Variants in DYM observed in about 807,000 individuals in gnomAD.
DYM encodes dymeclin, also known as dyggve-Melchior-Clausen syndrome protein.
DYM carries 78 observed loss-of-function variants against 93.1 expected under a neutral mutation model. The ratio of observed to expected loss-of-function variants is 0.84; its 90% CI spans 0.70 to 1.01. DYM has a LOEUF of 1.01. Among genes scored for constraint, DYM ranks in the 50% least tolerant of loss-of-function variants. The probability of loss-of-function intolerance (pLI) is 0.00; values close to 1 mark genes in which losing one functional copy is unlikely to be tolerated. For missense variants in DYM, 789 were observed against 845.0 expected, an observed-to-expected ratio of 0.93 and a Z score of 0.82; for synonymous variants, 321 against 319.7, an observed-to-expected ratio of 1.00 and a Z score of -0.04.
At chr18:49,334,033 G>A (rs2063497578) in intron 6 of DYM, among the ~76,000 whole-genome samples, 180 bp from the exon 7 acceptor site, 1 of 152,130 alleles carries the variant, frequency 6.6e-6, no homozygotes, top group Non-Finnish European at 1.5e-5. Context: ...CTCCTTCCCT[G>A]TCATTAGCTG....
intron 15 of DYM, among the ~76,000 whole-genome samples, chr18:49,161,209 T>C (rs1452652170): frequency 1.3e-5 from 2 of 152,170 alleles, no homozygotes; most frequent in Non-Finnish European, 2.9e-5. Context: ...GAAGAAAATA[T>C]TCAATCAGTG....
chr18:49,163,545 C>A, intron 15 of DYM, 140 bp downstream of exon 15: 1 of 601,884 alleles, frequency 1.7e-6, no homozygotes, highest in Non-Finnish European at 3.1e-6. Context: ...GGGGTTTCAC[C>A]ATGTTGGCCA....
intron 1 of DYM, among the ~76,000 whole-genome samples, chr18:49,431,438 G>C (rs1230496670): frequency 2.0e-5 from 3 of 152,114 alleles, no homozygotes; most frequent in Non-Finnish European, 2.9e-5. Context: ...TAGTATCCAC[G>C]AGGCTCTTCA....
At chr18:49,220,059 C>G (rs1294348511) in intron 13 of DYM, among the ~76,000 whole-genome samples, 1 of 152,078 alleles carries the variant, frequency 6.6e-6, no homozygotes, top group Admixed American at 6.6e-5. Context: ...AGCAAAGTCC[C>G]AGGATACAAA....
At chr18:49,080,243 TG>T (rs2077756449) in intron 17 of DYM, among the ~76,000 whole-genome samples, 6 of 119,028 alleles carry the variant, frequency 5.0e-5, no homozygotes, top group East Asian at 2.9e-4. Context: ...ACGGGGCGGC[TG>T]GCCGGGCAGA....
chr18:49,251,141 G>A (rs9947456), intron 13 of DYM, among the ~76,000 whole-genome samples: 38,828 of 152,174 alleles, frequency 0.26, 5,919 homozygotes, highest in African/African-American at 0.43. Context: ...AAGAGCACAG[G>A]TCAGATTTTT....
At chr18:49,131,999 T>C (rs1179737858) in intron 15 of DYM, among the ~76,000 whole-genome samples, 1 of 152,164 alleles carries the variant, frequency 6.6e-6, no homozygotes, top group Non-Finnish European at 1.5e-5. Context: ...ATGTGTGAAT[T>C]TTATTTGGAT....
chr18:49,203,174 A>G (rs1454648961), intron 14 of DYM, among the ~76,000 whole-genome samples: 2 of 69,176 alleles, frequency 2.9e-5, no homozygotes, highest in African/African-American at 1.2e-4. Flanking sequence ...TCCGGGAGGG[A>G]GGTTGGGGGG....
chr18:49,219,414 G>A (rs1191371592), intron 13 of DYM, among the ~76,000 whole-genome samples: 2 of 152,186 alleles, frequency 1.3e-5, no homozygotes, highest in African/African-American at 2.4e-5. Flanking sequence ...TATGAGGCCA[G>A]CATCATCCTG....
At chr18:49,198,234 G>A in intron 14 of DYM, among the ~76,000 whole-genome samples, 1 of 152,138 alleles carries the variant, frequency 6.6e-6, no homozygotes, top group Non-Finnish European at 1.5e-5. Context: ...ATTAATTCAA[G>A]ATGGATTAAA....
intron 16 of DYM, among the ~76,000 whole-genome samples, chr18:49,099,494 T>C (rs898936996): frequency 6.6e-6 from 1 of 152,224 alleles, no homozygotes; most frequent in African/African-American, 2.4e-5. Flanking sequence ...GCTTGCAATA[T>C]ATGTTCTAGT....
chr18:49,065,297 T>G (rs1568363106), intron 17 of DYM, among the ~76,000 whole-genome samples: 1 of 152,218 alleles, frequency 6.6e-6, no homozygotes, highest in Non-Finnish European at 1.5e-5. Flanking sequence ...AGTCCATACA[T>G]TCATGACAAC....
chr18:49,302,613 G>T (rs375370567), intron 8 of DYM, among the ~76,000 whole-genome samples: 3 of 152,212 alleles, frequency 2.0e-5, no homozygotes, highest in African/African-American at 7.2e-5. Flanking sequence ...GGCGGAGGTG[G>T]GGGGACGAGT....
chr18:49,352,634 C>T (rs1211525482), intron 6 of DYM, among the ~76,000 whole-genome samples: 1 of 152,152 alleles, frequency 6.6e-6, no homozygotes, highest in African/African-American at 2.4e-5. Flanking sequence ...TTTGTCAAAA[C>T]TCATAGAACT....
At chr18:49,430,019 G>T (rs554529133) in intron 2 of DYM, among the ~76,000 whole-genome samples, 55 of 152,242 alleles carry the variant, frequency 3.6e-4, no homozygotes, top group African/African-American at 1.3e-3. Flanking sequence ...TCTCTAGAAC[G>T]ATTCAAAATA....
chr18:49,422,453 T>G (rs990161778), intron 2 of DYM, among the ~76,000 whole-genome samples: 3 of 152,110 alleles, frequency 2.0e-5, no homozygotes, highest in Non-Finnish European at 4.4e-5. Flanking sequence ...TGCCAAATTG[T>G]AAAGACCATC....
chr18:49,411,519 AT>A (rs1404304363), intron 2 of DYM, among the ~76,000 whole-genome samples: 45 of 152,212 alleles, frequency 3.0e-4, no homozygotes, highest in African/African-American at 1.1e-3. Flanking sequence ...GACTGGTTTT[AT>A]TTTACTTTTA....
At chr18:49,330,484 C>A (rs546022839) in intron 8 of DYM, among the ~76,000 whole-genome samples, 3 of 152,114 alleles carry the variant, frequency 2.0e-5, no homozygotes, top group South Asian at 4.1e-4. Context: ...ACTAATGATA[C>A]CACATGCAAT....
At position 49,333,738 on chromosome 18, in the gene DYM, G is replaced by A. The variant is rs752868357; in HGVS notation, c.610C>T (p.Arg204Ter). The change falls in exon 7 of 18, where the codon CGA becomes TGA. Residue 204 changes from arginine to a stop codon, truncating the protein, a stop_gained. Coordinates refer to ENST00000675505, the MANE Select transcript of DYM (RefSeq NM_001353214.3). LOFTEE classifies it high-confidence loss of function. ...AAAGTAGAAACATACCATGGACCTCGCATCAAATACTTGTGGCTGATGCTC... is the reference window on the plus strand; with the variant it reads ...AAAGTAGAAACATACCATGGACCTCACATCAAATACTTGTGGCTGATGCTC... ...RQSISHKYLM[R>*]GPCLPYTSKL... 1.1e-5 allele frequency: 17 copies of A among 1,613,688 alleles called. No individual in the cohort carries two copies. The highest frequency in any genetic ancestry group is 2.2e-5 in the East Asian group (1 of 44,844).
Sources: allele counts gnomAD v4.1 joint callset (sites outside exome capture counted in the v4.1 genomes callset), GRCh38; gene constraint gnomAD v4.1.1; transcripts MANE v1.5; gene names NCBI Gene and HGNC (gene_info 2026-07-23, HGNC 2026-07-21).